NAV2: variants seen among roughly 807,000 people sequenced by gnomAD.
The protein encoded by NAV2 is helicase, APC down-regulated 1.
NAV2 carries 54 observed loss-of-function variants against 223.2 expected under a neutral mutation model. The observed-to-expected ratio is 0.24, with a 90% confidence interval of 0.19 to 0.30. NAV2 has a LOEUF of 0.30. Ranked by LOEUF, NAV2 falls within the 10% of genes least tolerant of loss-of-function variation. NAV2 has a pLI of 1.00. For synonymous variants in NAV2, 1,279 were observed against 1,239.3 expected (o/e 1.03, Z -0.67); for missense variants, 2,806 against 3,147.5 (o/e 0.89, Z 2.60).
intron 1 of NAV2, among the ~76,000 whole-genome samples, chr11:19,651,447 G>A (rs2047965630): frequency 6.6e-6 from 1 of 152,206 alleles, no homozygotes; most frequent in Admixed American, 6.5e-5. Context: ...ATGTCTGTAA[G>A]ACGTGCTTGT....
intron 6 of NAV2, among the ~76,000 whole-genome samples, chr11:19,908,030 T>TG (rs1208843528): frequency 6.6e-6 from 1 of 152,182 alleles, no homozygotes; most frequent in Non-Finnish European, 1.5e-5. Flanking sequence ...GCCCTGGCTC[T>TG]GGCCTTGAGG....
chr11:19,948,947 G>A lies in NAV2; in HGVS notation c.2512G>A (p.Val838Ile). ...RRQLASRGSS[V>I]CHVDVSDKAG... ...GCAGCTGGCCTCCCGGGGCAGTAGT[G>A]TCTGCCATGTGGACGTCTCAGACAA... Residue 838 changes from valine (V) to isoleucine (I), a missense_variant, in exon 10 of 38, where the codon GTC becomes ATC. By Grantham distance (29) the Val-to-Ile change is conservative. Coordinates refer to ENST00000349880, the MANE Select transcript of NAV2 (RefSeq NM_145117.5). 6.2e-7 allele frequency: 1 copy of A among 1,614,042 alleles called. No individual in the cohort carries two copies. Among genetic ancestry groups the A allele is most frequent in the South Asian group, 1.1e-5 (1 of 91,074 alleles).
chr11:19,574,186 C>A (rs2045506338), intron 1 of NAV2, among the ~76,000 whole-genome samples: 1 of 152,226 alleles, frequency 6.6e-6, no homozygotes, highest in Admixed American at 6.5e-5. Context: ...GTTCCCACTG[C>A]TTACAAAATG....
At chr11:20,022,978 C>G (rs1022065794) in intron 11 of NAV2, 1 of 1,411,700 alleles carries the variant, frequency 7.1e-7, no homozygotes. Flanking sequence ...CCTTTAGTTA[C>G]AGAGTTGCTG....
chr11:19,648,774 A>G (rs2135625212), intron 1 of NAV2, among the ~76,000 whole-genome samples: 1 of 152,356 alleles, frequency 6.6e-6, no homozygotes, highest in Non-Finnish European at 1.5e-5. Flanking sequence ...CCTGGCAGTA[A>G]CACAATTAAA....
intron 1 of NAV2, among the ~76,000 whole-genome samples, chr11:19,665,891 A>G (rs1185032167): frequency 6.6e-6 from 1 of 152,208 alleles, no homozygotes; most frequent in Non-Finnish European, 1.5e-5. Flanking sequence ...ATTATGAATC[A>G]CAACATAATT....
At chr11:20,112,605 C>T (rs559113702) in intron 36 of NAV2, among the ~76,000 whole-genome samples, 1 of 152,204 alleles carries the variant, frequency 6.6e-6, no homozygotes, top group Non-Finnish European at 1.5e-5. Flanking sequence ...TGGCCAACAG[C>T]CTGCTCCGCG....
chr11:19,629,528 T>C lies in NAV2; in HGVS notation c.76-202956T>C, dbSNP rs114727718. Among the ~76,000 whole-genome samples the C allele has an allele frequency of 6.2e-3, 872 of 141,650 alleles. 10 individuals are homozygous for C. Among genetic ancestry groups the C allele is most frequent in the African/African-American group, 0.024 (833 of 35,144 alleles). The allele number at this position is 141,650 out of a possible 152,430, so 92.9% of individuals were successfully genotyped here. On this transcript the variant is annotated intron_variant, in intron 1 of 37. Transcript: ENST00000360655. ...ACACACTCTTTGCCTCTTTCTTTTT[T>C]TCTCTCTCTCTCTGACACACACACA...
intron 1 of NAV2, among the ~76,000 whole-genome samples, chr11:19,412,532 G>A (rs1220640899): frequency 3.3e-5 from 5 of 152,184 alleles, no homozygotes; most frequent in Admixed American, 3.3e-4. Flanking sequence ...ACGTCTCTCT[G>A]AAGAGAGCAG....
intron 1 of NAV2, among the ~76,000 whole-genome samples, chr11:19,816,558 G>T (rs1414858907): frequency 1.3e-5 from 2 of 152,212 alleles, no homozygotes; most frequent in African/African-American, 4.8e-5. Context: ...TGGTGCAGTA[G>T]ATGCTATTAT....
intron 1 of NAV2, among the ~76,000 whole-genome samples, chr11:19,628,642 C>T (rs1022188663): frequency 3.3e-5 from 5 of 152,200 alleles, no homozygotes; most frequent in African/African-American, 1.2e-4. Context: ...CTCACACATA[C>T]ACAAGGAAAC....
chr11:19,520,420 C>A (rs55837560), intron 1 of NAV2, among the ~76,000 whole-genome samples: 25,644 of 152,224 alleles, frequency 0.17, 2,273 homozygotes, highest in Middle Eastern at 0.26. Flanking sequence ...CGCCCCGTGG[C>A]CTGTGGGGCC....
intron 1 of NAV2, among the ~76,000 whole-genome samples, chr11:19,543,882 G>A (rs2044408800): frequency 1.3e-5 from 2 of 152,094 alleles, no homozygotes; most frequent in Non-Finnish European, 2.9e-5. Context: ...CCATGCTCTC[G>A]GTTTGAGCTG....
At chr11:19,714,779 GC>G (rs2050155229) in intron 1 of NAV2, among the ~76,000 whole-genome samples, 3 of 152,216 alleles carry the variant, frequency 2.0e-5, no homozygotes, top group African/African-American at 7.2e-5. Flanking sequence ...ATCCAGACAA[GC>G]CCTGGCCGTG....
At chr11:19,958,453 G>C (rs1666009006) in intron 10 of NAV2, among the ~76,000 whole-genome samples, 1 of 152,194 alleles carries the variant, frequency 6.6e-6, no homozygotes, top group African/African-American at 2.4e-5. Context: ...GATGGCTTGT[G>C]TTGGGACACA....
At chr11:19,712,038 A>T (rs983390822), upstream of NAV2, 1 of 152,264 alleles carries the variant, frequency 6.6e-6, no homozygotes, top group African/African-American at 2.4e-5. Flanking sequence ...ACTTTCAGTC[A>T]GCGAGGAAAC....
Position 19,778,493 on chromosome 11 carries a change from CCAAAAACAAAAA to C in NAV2, c.268-53973_268-53962del, listed in dbSNP as rs201234840. 4.1e-3 allele frequency: 1,033 copies of C among 249,516 alleles called. 12 individuals carry two copies. The highest frequency in any genetic ancestry group is 6.4e-3 in the Admixed American group (120 of 18,732). The allele number at this position is 249,516 out of a possible 1,614,324, so 15.5% of individuals were successfully genotyped here. Reference sequence around the variant, plus strand: ...TGGTGTGAGGTCTTTAAAGATGCTACCAAAAACAAAAACAAAAACAAAAACAAAACACAAAAA... The same window carrying C: ...TGGTGTGAGGTCTTTAAAGATGCTACCAAAAACAAAAACAAAACACAAAAA... On this transcript the variant is annotated intron_variant, in intron 1 of 37. Coordinates refer to ENST00000349880, the MANE Select transcript of NAV2 (RefSeq NM_145117.5).
chr11:19,686,719 G>C (rs542458227), intron 1 of NAV2, among the ~76,000 whole-genome samples: 4 of 152,342 alleles, frequency 2.6e-5, no homozygotes, highest in African/African-American at 9.6e-5. Flanking sequence ...TCCTAGACTC[G>C]AGGAGGCCCG....
At chr11:19,541,607 C>G (rs2044344773) in intron 1 of NAV2, among the ~76,000 whole-genome samples, 1 of 152,202 alleles carries the variant, frequency 6.6e-6, no homozygotes, top group African/African-American at 2.4e-5. Flanking sequence ...GATGTACTCA[C>G]AGCTGAGGCC....
Sources: gnomAD v4.1 joint callset for allele counts (sites outside exome capture counted in the v4.1 genomes callset) on GRCh38, gnomAD v4.1.1 for gene constraint, MANE v1.5 for transcripts, NCBI Gene and HGNC (gene_info 2026-07-23, HGNC 2026-07-21) for gene names.